Variants in SLC25A26 observed in about 807,000 individuals in gnomAD.
SLC25A26 encodes the protein solute carrier family 25 member 26, also known as mitochondrial S-adenosylmethionine carrier protein.
SLC25A26 carries 36 observed loss-of-function variants against 37.8 expected under a neutral mutation model. The observed-to-expected ratio is 0.95, with a 90% CI of 0.73 to 1.26. The LOEUF (loss-of-function observed/expected upper bound fraction) is 1.26, where lower values mean the gene tolerates loss of function less well. Ranked by LOEUF, SLC25A26 falls within the 50% of genes most tolerant of loss-of-function variation. SLC25A26 has a pLI of 0.00. For missense variants in SLC25A26, 390 were observed against 331.1 expected, an observed-to-expected ratio of 1.18 and a Z score of -1.38; for synonymous variants, 129 against 122.5, an observed-to-expected ratio of 1.05 and a Z score of -0.35.
intron 6 of SLC25A26, among the ~76,000 whole-genome samples, chr3:66,351,705 C>T (rs1362301331): frequency 6.6e-6 from 1 of 152,124 alleles, no homozygotes; most frequent in Non-Finnish European, 1.5e-5. Flanking sequence ...TCTGTTCCTT[C>T]CTAGTTGGTC....
At chr3:66,180,026 TG>T in intron 1 of SLC25A26, among the ~76,000 whole-genome samples, 1 of 140,116 alleles carries the variant, frequency 7.1e-6, no homozygotes, top group Non-Finnish European at 1.6e-5. Context: ...GGAGATGCAT[TG>T]CAAAACCCTT....
intron 5 of SLC25A26, among the ~76,000 whole-genome samples, chr3:66,290,053 C>T (rs2074652366): frequency 1.3e-5 from 2 of 152,088 alleles, no homozygotes; most frequent in South Asian, 4.2e-4. Context: ...AAGTTGTAGT[C>T]CTAGGTATTT....
intron 1 of SLC25A26, among the ~76,000 whole-genome samples, chr3:66,188,705 G>A (rs1302908863): frequency 6.6e-6 from 1 of 152,006 alleles, no homozygotes; most frequent in Non-Finnish European, 1.5e-5. Flanking sequence ...CAGCCCTCAG[G>A]TTTTCGTTTA....
intron 8 of SLC25A26, 35 bp downstream of exon 8, chr3:66,369,577 G>C (rs1371533587): frequency 6.6e-7 from 1 of 1,519,446 alleles, no homozygotes; most frequent in African/African-American, 1.4e-5. Flanking sequence ...AGATACTTCA[G>C]ATGCTCATAT....
At chr3:66,370,067 C>T (rs371824116) in intron 8 of SLC25A26, among the ~76,000 whole-genome samples, 1 of 152,152 alleles carries the variant, frequency 6.6e-6, no homozygotes, top group Non-Finnish European at 1.5e-5. Flanking sequence ...AAAAGTAGAA[C>T]AAATAATGGG....
chr3:66,156,521 C>T (rs529513548), intron 1 of SLC25A26, among the ~76,000 whole-genome samples: 68 of 152,220 alleles, frequency 4.5e-4, no homozygotes, highest in African/African-American at 1.6e-3. Flanking sequence ...GCCAAAAGTA[C>T]TAAAAACAGT....
At chr3:66,333,962 ATGGT>A (rs1318910909) in intron 5 of SLC25A26, among the ~76,000 whole-genome samples, 1 of 152,140 alleles carries the variant, frequency 6.6e-6, no homozygotes, top group African/African-American at 2.4e-5. Context: ...CAGATTGAAA[ATGGT>A]AATGGAGGTA....
intron 1 of SLC25A26, among the ~76,000 whole-genome samples, chr3:66,205,854 C>G (rs2071169613): frequency 1.3e-5 from 2 of 152,116 alleles, no homozygotes. Context: ...ACCATGGACC[C>G]TGAGAGAAGG....
chr3:66,328,280 G>T (rs993315965), intron 5 of SLC25A26, among the ~76,000 whole-genome samples: 39 of 152,154 alleles, frequency 2.6e-4, no homozygotes, highest in Non-Finnish European at 2.9e-5. Flanking sequence ...TACAGAAGGT[G>T]TTTCTTTATA....
At chr3:66,345,291 C>T (rs899421649) in intron 5 of SLC25A26, among the ~76,000 whole-genome samples, 1 of 152,106 alleles carries the variant, frequency 6.6e-6, no homozygotes, top group Non-Finnish European at 1.5e-5. Context: ...TTGAAGGGTG[C>T]GAGCTTCCCA....
In SLC25A26 at chr3:66,179,577, AT is replaced by A. The variant is rs1351044369; in HGVS notation, c.-353-41162del. Among the ~76,000 whole-genome samples, 12 of 152,326 alleles carry A rather than the reference AT, an allele frequency of 7.9e-5. No individual in the cohort carries two copies. The East Asian group carries it at 1.7e-3, about 22-fold the overall frequency. ...ATAGATAAGGTTCTCAAAGTAAAGA[AT>A]TTCTGTTCTTTCCAATGCAGAATTT... On this transcript the variant is annotated intron_variant, in intron 1 of 10. Coordinates refer to the SLC25A26 transcript ENST00000676754.
At chr3:66,148,304 G>T (rs1463470454) in intron 1 of SLC25A26, among the ~76,000 whole-genome samples, 1 of 152,202 alleles carries the variant, frequency 6.6e-6, no homozygotes, top group African/African-American at 2.4e-5. Context: ...AGTGAGCAGG[G>T]TTAAGGAACC....
Position 66,262,120 on chromosome 3 carries a change from A to G in SLC25A26, c.370A>G (p.Thr124Ala), listed in dbSNP as rs891775469. ...QRAQVSASTR[T>A]FQIFSNILYE... ...GGCACAGGTATCTGCTTCTACAAGAACATTTCAGATTTTCTCTAACATCTT... is the reference window on the plus strand; with the variant it reads ...GGCACAGGTATCTGCTTCTACAAGAGCATTTCAGATTTTCTCTAACATCTT... The change falls in exon 4 of 10, where the codon ACA becomes GCA. Residue 124 changes from threonine (T) to alanine (A), a missense_variant. Physicochemically the swap from Thr to Ala is moderately conservative, Grantham distance 58. Coordinates refer to ENST00000354883, the MANE Select transcript of SLC25A26 (RefSeq NM_001379210.1). The G allele has an allele frequency of 1.9e-6, 3 of 1,577,804 alleles. No individual in the cohort carries two copies. Among genetic ancestry groups the G allele is most frequent in the Non-Finnish European group, 2.6e-6 (3 of 1,160,530 alleles).
At chr3:66,277,875 G>A (rs1477866826) in intron 5 of SLC25A26, among the ~76,000 whole-genome samples, 1 of 152,030 alleles carries the variant, frequency 6.6e-6, no homozygotes, top group Non-Finnish European at 1.5e-5. Flanking sequence ...GTGTGATCAT[G>A]AGAAAACATC....
At chr3:66,307,134 G>A (rs2107585064) in intron 5 of SLC25A26, among the ~76,000 whole-genome samples, 1 of 152,258 alleles carries the variant, frequency 6.6e-6, no homozygotes, top group East Asian at 1.9e-4. Context: ...CAGTGTGAAG[G>A]TGTCTGTTTC....
At chr3:66,316,238 C>A (rs2075535871) in intron 5 of SLC25A26, among the ~76,000 whole-genome samples, 1 of 152,070 alleles carries the variant, frequency 6.6e-6, no homozygotes, top group African/African-American at 2.4e-5. Context: ...CATGTGGTTT[C>A]CTAGTGGTTG....
intron 1 of SLC25A26, among the ~76,000 whole-genome samples, chr3:66,222,343 G>C (rs2071538814): frequency 6.6e-6 from 1 of 152,102 alleles, no homozygotes; most frequent in African/African-American, 2.4e-5. Context: ...ACTACGCCCA[G>C]CTAATTTTTT....
intron 1 of SLC25A26, among the ~76,000 whole-genome samples, chr3:66,214,529 T>G (rs1213233643): frequency 6.6e-6 from 1 of 152,208 alleles, no homozygotes; most frequent in East Asian, 1.9e-4. Flanking sequence ...TGTTAAAAAA[T>G]ATGCTTTGTT....
At chr3:66,271,451 G>C (rs936398614) in intron 5 of SLC25A26, among the ~76,000 whole-genome samples, 1 of 152,120 alleles carries the variant, frequency 6.6e-6, no homozygotes, top group Non-Finnish European at 1.5e-5. Context: ...AGGCATCATA[G>C]TTCTATTCCA....
Sources: gnomAD v4.1 joint callset for allele counts (sites outside exome capture counted in the v4.1 genomes callset) on GRCh38, gnomAD v4.1.1 for gene constraint, MANE v1.5 for transcripts, NCBI Gene and HGNC (gene_info 2026-07-23, HGNC 2026-07-21) for gene names.